SMARCA4: variants seen among roughly 807,000 people sequenced by gnomAD.
The protein encoded by SMARCA4 is SWI/SNF-related matrix-associated actin-dependent regulator of chromatin subfamily A member 4.
In SMARCA4, 31 loss-of-function variants were observed where a neutral mutation model predicts 193.9. The ratio of observed to expected loss-of-function variants is 0.16; its 90% CI spans 0.12 to 0.22. SMARCA4 has a LOEUF of 0.22. Among genes scored for constraint, SMARCA4 ranks in the 10% least tolerant of loss-of-function variants. The probability of loss-of-function intolerance (pLI) is 1.00; values close to 1 mark genes in which losing one functional copy is unlikely to be tolerated. For missense variants in SMARCA4, 1,148 were observed against 2,296.0 expected (o/e 0.50, Z 10.22); for synonymous variants, 942 against 933.1 (o/e 1.01, Z -0.17).
At position 11,033,232 on chromosome 19, in the gene SMARCA4, C is replaced by T; in HGVS notation, c.3547-58C>T. ...CCTCTCCAGCTAGTGTCAGAGGCCA[C>T]CTTCCCTTTTATGACCTCCTGGGCT... is the stretch of plus-strand genomic sequence containing the variant. On this transcript the variant is annotated intron_variant, in intron 25 of 34. Coordinates refer to ENST00000344626, the MANE Select transcript of SMARCA4 (RefSeq NM_003072.5). This position sits in a 1 kb window ranked among gnomAD's most constrained non-coding sequence, Gnocchi z 9.8. 1 of 1,346,160 alleles carries T rather than the reference C, an allele frequency of 7.4e-7. No homozygotes were observed. The highest frequency in any genetic ancestry group is 1.1e-6 in the Non-Finnish European group (1 of 937,888). 83.4% of individuals were successfully genotyped at this position (1,346,160 alleles called of 1,614,324 possible). A position where few individuals can be genotyped will look rare whatever the true frequency, so the allele number is the denominator to read the frequency against.
intron 19 of SMARCA4, among the ~76,000 whole-genome samples, chr19:11,022,395 T>A (rs1398722576): frequency 6.6e-6 from 1 of 152,168 alleles, no homozygotes; most frequent in East Asian, 1.9e-4. Flanking sequence ...CATGGTCAGG[T>A]TCTGTCTTAC....
rs549269518 is a variant in SMARCA4 at position 11,028,493 on chromosome 19, G to A, written c.3382+543G>A. 5.9e-5 allele frequency among the ~76,000 whole-genome samples: 9 copies of A among 152,320 alleles called. No homozygotes were observed. The East Asian group carries it at 7.7e-4, about 13-fold the overall frequency. On this transcript the variant is annotated intron_variant, in intron 24 of 34. Transcript: ENST00000344626. ...CCGCATGCCCATCCCTGGGCCATTC[G>A]TAGCAGCCCAGTGACTGCCACCTTG...
In SMARCA4 at chr19:11,035,286, T is replaced by C. The variant is rs138479268; in HGVS notation, c.4170+154T>C. Among the ~76,000 whole-genome samples, 445 of 152,342 alleles carry C rather than the reference T, an allele frequency of 2.9e-3. 3 individuals carry two copies. Among genetic ancestry groups the C allele is most frequent in the African/African-American group, 0.01 (430 of 41,586 alleles). On this transcript the variant is annotated intron_variant, in intron 29 of 34. Transcript: ENST00000344626. ...CCGCAGGCAGCCGAGAGCCTTCCGA[T>C]GTGGGCCAGGGATGGTCAGGTCCTT...
chr19:11,045,056 C>T (rs2075822061), intron 30 of SMARCA4, among the ~76,000 whole-genome samples: 1 of 152,234 alleles, frequency 6.6e-6, no homozygotes, highest in Non-Finnish European at 1.5e-5. Context: ...CACGGTGGCT[C>T]ACGCCTGTAA....
intron 1 of SMARCA4, chr19:10,965,253 T>TAGTAGC (rs1451511858): frequency 6.6e-6 from 1 of 152,170 alleles, no homozygotes; most frequent in Non-Finnish European, 1.5e-5. Flanking sequence ...GTCCTGTTCT[T>TAGTAGC]AGTAGCTCAC....
chr19:10,988,088 C>T (rs895531067), intron 6 of SMARCA4, among the ~76,000 whole-genome samples, 164 bp downstream of exon 6: 2 of 152,116 alleles, frequency 1.3e-5, no homozygotes, highest in African/African-American at 2.4e-5. Flanking sequence ...ACCCTGGCTG[C>T]GGTCTGTTTC....
At chr19:10,978,601 C>T (rs978534277) in intron 1 of SMARCA4, among the ~76,000 whole-genome samples, 3 of 151,446 alleles carry the variant, frequency 2.0e-5, no homozygotes, top group Non-Finnish European at 4.4e-5. Flanking sequence ...GCTGGGATTA[C>T]AGGTATGAGC....
chr19:11,046,371 C>T (rs1235844379), intron 30 of SMARCA4, among the ~76,000 whole-genome samples: 1 of 152,192 alleles, frequency 6.6e-6, no homozygotes, highest in East Asian at 1.9e-4. Context: ...CAGCAATGCT[C>T]CTGTCTTACC....
At chr19:10,965,646 C>T (rs2084153707) in intron 1 of SMARCA4, among the ~76,000 whole-genome samples, 1 of 152,160 alleles carries the variant, frequency 6.6e-6, no homozygotes, top group Admixed American at 6.5e-5. Context: ...GGAGCCTAGT[C>T]CACATGTAGG....
Position 10,987,670 on chromosome 19 carries a change from C to CATG in SMARCA4, c.865_867dup (p.Met289dup). On this transcript the variant is annotated inframe_insertion, in exon 6 of 35. Transcript: ENST00000344626. This position sits in a 1 kb window ranked among gnomAD's most constrained non-coding sequence, Gnocchi z 5.3. Reference sequence around the variant, plus strand: ...TGGCCCCTTGCCTTCTCCCAGGACCCATGGCGAATGCTGCTGCCCCCACGA... The same window carrying CATG: ...TGGCCCCTTGCCTTCTCCCAGGACCCATGATGGCGAATGCTGCTGCCCCCACGA... The CATG allele has an allele frequency of 6.2e-7, 1 of 1,613,148 alleles. No individual in the cohort carries two copies. Among genetic ancestry groups the CATG allele is most frequent in the Non-Finnish European group, 8.5e-7 (1 of 1,179,838 alleles).
chr19:11,034,253 C>G lies in SMARCA4; in HGVS notation c.3951+53C>G, dbSNP rs2075126765. 8.5e-6 allele frequency: 12 copies of G among 1,418,620 alleles called. No individual in the cohort carries two copies. The highest frequency in any genetic ancestry group is 1.4e-5 in the African/African-American group (1 of 71,032). The allele number at this position is 1,418,620 out of a possible 1,614,324, so 87.9% of individuals were successfully genotyped here. ...TTCAGGCATCCCACTCTGCTGCCAC[C>G]AGGAGCAAAGCAGACGTCCTAGTGC... On this transcript the variant is annotated intron_variant, in intron 28 of 34. Coordinates refer to ENST00000344626, the MANE Select transcript of SMARCA4 (RefSeq NM_003072.5). This position sits in a 1 kb window ranked among gnomAD's most constrained non-coding sequence, Gnocchi z 7.0.
intron 19 of SMARCA4, 127 bp from the exon 20 acceptor site, chr19:11,023,391 C>T (rs930772881): frequency 4.7e-5 from 33 of 702,844 alleles, no homozygotes; most frequent in South Asian, 3.0e-4. Context: ...TGAAAAGCCA[C>T]GTGCCAAGGG....
chr19:11,019,091 A>G lies in SMARCA4; in HGVS notation c.2505+68A>G, dbSNP rs1007241549. On this transcript the variant is annotated intron_variant, in intron 17 of 34. Coordinates refer to ENST00000344626, the MANE Select transcript of SMARCA4 (RefSeq NM_003072.5). The surrounding 1 kb of genome is among the most constrained non-coding windows in gnomAD (Gnocchi z 6.1). The stretch of plus-strand genomic sequence containing the variant: ...GCAGGCGGTGGTGGGCAGGACGTCC[A>G]CACATACCTCTGGACAGTGAACCTG... 4.6e-5 allele frequency: 54 copies of G among 1,172,984 alleles called. No homozygotes were observed. The African/African-American group carries it at 5.3e-4, about 11-fold the overall frequency. 72.7% of individuals were successfully genotyped at this position (1,172,984 alleles called of 1,614,324 possible). A position where few individuals can be genotyped will look rare whatever the true frequency, so the allele number is the denominator to read the frequency against.
Position 10,989,458 on chromosome 19 carries a change from G to A in SMARCA4, c.1245+15G>A, listed in dbSNP as rs2145851064. ...TCCAGAGGCAGGTGGGTGCTGGCAT[G>A]GCCGCAGCTTTCCGAAAAGGGCCTT... On this transcript the variant is annotated intron_variant, in intron 7 of 34. Transcript: ENST00000344626. The A allele has an allele frequency of 6.2e-7, 1 of 1,613,706 alleles. No individual in the cohort carries two copies. The highest frequency in any genetic ancestry group is 8.5e-7 in the Non-Finnish European group (1 of 1,179,828).
In SMARCA4 at chr19:11,058,178, T is replaced by C. The variant is rs1389932347; in HGVS notation, c.4425-77T>C. The C allele has an allele frequency of 1.2e-6, 1 of 861,036 alleles. No individual in the cohort carries two copies. Among genetic ancestry groups the C allele is most frequent in the East Asian group, 2.5e-5 (1 of 40,816 alleles). The allele number at this position is 861,036 out of a possible 1,614,324, so 53.3% of individuals were successfully genotyped here. On this transcript the variant is annotated intron_variant, in intron 30 of 34. Transcript: ENST00000344626. The surrounding 1 kb of genome is among the most constrained non-coding windows in gnomAD (Gnocchi z 5.8). ...TGGAATTTCTCATCCTTAAACAATG[T>C]GGGAACCTGCTGAGGTGGGGTGGGG...
At chr19:11,032,946 C>A (rs1311360886) in intron 25 of SMARCA4, 1 of 405,990 alleles carries the variant, frequency 2.5e-6, no homozygotes, top group East Asian at 5.2e-5. Flanking sequence ...TGGTGCTCGA[C>A]TGTGTAGGTC....
chr19:11,033,931 A>G lies in SMARCA4; in HGVS notation c.3873+66A>G, dbSNP rs952760379. Reference sequence around the variant, plus strand: ...GGCTTCTCGGCTGAGACGGCCAGCAAGGGCCCTGGTCCCACGGAGCGTGCG... The same window carrying G: ...GGCTTCTCGGCTGAGACGGCCAGCAGGGGCCCTGGTCCCACGGAGCGTGCG... On this transcript the variant is annotated intron_variant, in intron 27 of 34. Coordinates refer to ENST00000344626, the MANE Select transcript of SMARCA4 (RefSeq NM_003072.5). The surrounding 1 kb of genome is among the most constrained non-coding windows in gnomAD (Gnocchi z 9.8). 85 of 756,756 alleles carry G rather than the reference A, an allele frequency of 1.1e-4. No individual in the cohort carries two copies. The highest frequency in any genetic ancestry group is 1.9e-4 in the Non-Finnish European group (80 of 411,168). The allele number at this position is 756,756 out of a possible 1,614,324, so 46.9% of individuals were successfully genotyped here.
rs918908724 is a variant in SMARCA4 at position 10,984,472 on chromosome 19, C to G, written c.222+99C>G. 4.1e-4 allele frequency: 638 copies of G among 1,545,150 alleles called. No individual in the cohort carries two copies. The highest frequency in any genetic ancestry group is 5.2e-4 in the Non-Finnish European group (595 of 1,144,692). ...GCCTTACTTGGAGGATGGGGGGAAG[C>G]CTTCTTGTTGGAGGTGTCCTGCCTT... On this transcript the variant is annotated intron_variant, in intron 2 of 34. Coordinates refer to ENST00000344626, the MANE Select transcript of SMARCA4 (RefSeq NM_003072.5). This position sits in a 1 kb window ranked among gnomAD's most constrained non-coding sequence, Gnocchi z 4.3.
At chr19:11,004,755 ATTTC>A (rs997849399) in intron 13 of SMARCA4, among the ~76,000 whole-genome samples, 1 of 151,422 alleles carries the variant, frequency 6.6e-6, no homozygotes, top group African/African-American at 2.4e-5. Flanking sequence ...TACATTTGCT[ATTTC>A]TTTTCTATGC....
Sources: gnomAD v4.1 joint callset for allele counts (sites outside exome capture counted in the v4.1 genomes callset) on GRCh38, gnomAD v4.1.1 for gene constraint, Gnocchi (gnomAD v3.1) non-coding constraint, MANE v1.5 for transcripts, NCBI Gene and HGNC (gene_info 2026-07-23, HGNC 2026-07-21) for gene names.